The following STAB2 variants were observed in gnomAD, a reference collection of about 807,000 sequenced individuals.
The protein encoded by STAB2 is stabilin 2, also known as stabilin-2.
A neutral mutation model predicts 338.1 loss-of-function variants in STAB2; 288 were observed. That is an observed-to-expected ratio of 0.85 (90% CI 0.77 to 0.94). The LOEUF (loss-of-function observed/expected upper bound fraction) is 0.94, where lower values mean the gene tolerates loss of function less well. Ranked by LOEUF, STAB2 falls within the 40% of genes least tolerant of loss-of-function variation. The probability of loss-of-function intolerance (pLI) is 0.00; values close to 1 mark genes in which losing one functional copy is unlikely to be tolerated. For synonymous variants in STAB2, 1,202 were observed against 1,193.3 expected (o/e 1.01, Z -0.15); for missense variants, 3,141 against 3,210.1 (o/e 0.98, Z 0.52).
intron 50 of STAB2, among the ~76,000 whole-genome samples, chr12:103,732,005 A>G (rs1881672612): frequency 6.6e-6 from 1 of 152,218 alleles, no homozygotes; most frequent in African/African-American, 2.4e-5. Context: ...TGAGGCAGGT[A>G]GAAATTAAAA....
chr12:103,654,748 T>A (rs749052595), intron 13 of STAB2, 50 bp downstream of exon 13: 1 of 1,591,232 alleles, frequency 6.3e-7, no homozygotes, highest in Non-Finnish European at 8.6e-7. Flanking sequence ...CTTCCTTTGT[T>A]CCCTGGAGAG....
In STAB2 at chr12:103,637,218, G is replaced by T; in HGVS notation, c.691G>T (p.Asp231Tyr). The T allele has an allele frequency of 6.2e-7, 1 of 1,611,700 alleles. No individual in the cohort carries two copies. The highest frequency in any genetic ancestry group is 8.5e-7 in the Non-Finnish European group (1 of 1,179,234). The change falls in exon 7 of 69, where the codon GAT becomes TAT. Residue 231 changes from aspartate (D) to tyrosine (Y), a missense_variant. Asp to Tyr is a radical substitution (Grantham distance 160, BLOSUM62 -3). Transcript: ENST00000388887. The stretch of plus-strand genomic sequence containing the variant: ...CAAATGCCTTCCCAATTACCGAGGC[G>T]ATGGCAAATACTGCGACCGTGAGTA... ...ECKCLPNYRG[D>Y]GKYCDPINPC... is the part of the protein sequence containing the mutation.
At chr12:103,640,068 C>A in intron 8 of STAB2, 55 bp from the exon 9 acceptor site, 1 of 1,542,696 alleles carries the variant, frequency 6.5e-7, no homozygotes, top group Non-Finnish European at 8.8e-7. Flanking sequence ...AGAAGAATGC[C>A]AGCTGAAGTA....
At chr12:103,633,904 T>G (rs1957503969) in intron 6 of STAB2, among the ~76,000 whole-genome samples, 1 of 152,192 alleles carries the variant, frequency 6.6e-6, no homozygotes, top group African/African-American at 2.4e-5. Context: ...AGAAATTTAT[T>G]TACTAAATTT....
intron 22 of STAB2, among the ~76,000 whole-genome samples, chr12:103,672,541 A>C (rs576834253): frequency 2.6e-5 from 4 of 152,286 alleles, no homozygotes; most frequent in Admixed American, 2.6e-4. Flanking sequence ...GTGATTTTCC[A>C]GGCCCGCTCA....
At chr12:103,705,097 C>T (rs1219341085) in intron 36 of STAB2, 1 of 156,514 alleles carries the variant, frequency 6.4e-6, no homozygotes, top group African/African-American at 2.4e-5. Context: ...GATTACATTA[C>T]AAAGAATACT....
intron 51 of STAB2, among the ~76,000 whole-genome samples, chr12:103,734,036 G>GCGATCATATGGGAGCAAGCA (rs1278398131): frequency 7.0e-6 from 1 of 143,430 alleles, no homozygotes; most frequent in Non-Finnish European, 1.5e-5. Context: ...AGGAACAAGC[G>GCGATCATATGGGAGCAAGCA]CGATCATATG....
At chr12:103,693,219 T>C (rs1878108313) in intron 31 of STAB2, among the ~76,000 whole-genome samples, 1 of 152,082 alleles carries the variant, frequency 6.6e-6, no homozygotes, top group African/African-American at 2.4e-5. Flanking sequence ...TTTGGGAGTC[T>C]GAGGTAGGAG....
At chr12:103,639,398 C>A (rs776113519) in intron 8 of STAB2, among the ~76,000 whole-genome samples, 12 of 152,140 alleles carry the variant, frequency 7.9e-5, no homozygotes, top group African/African-American at 9.7e-5. Context: ...CTCCTCCCAT[C>A]ATGGCACTCA....
intron 51 of STAB2, among the ~76,000 whole-genome samples, chr12:103,734,512 A>G (rs1877054592): frequency 6.6e-6 from 1 of 152,096 alleles, no homozygotes; most frequent in South Asian, 2.1e-4. Flanking sequence ...AACAAGCATG[A>G]TCATATGGGA....
At chr12:103,636,512 A>T (rs1234302629) in intron 6 of STAB2, among the ~76,000 whole-genome samples, 1 of 151,920 alleles carries the variant, frequency 6.6e-6, no homozygotes, top group East Asian at 1.9e-4. Flanking sequence ...AATGAAACCC[A>T]CTGCATGTAC....
chr12:103,604,528 A>G (rs1453701326), intron 3 of STAB2, among the ~76,000 whole-genome samples: 1 of 152,024 alleles, frequency 6.6e-6, no homozygotes, highest in Non-Finnish European at 1.5e-5. Context: ...CCTTAAATTC[A>G]ATTTCTTGGA....
intron 39 of STAB2, among the ~76,000 whole-genome samples, chr12:103,709,492 G>A (rs1218652713): frequency 3.9e-5 from 6 of 152,196 alleles, no homozygotes; most frequent in Non-Finnish European, 5.9e-5. Flanking sequence ...AATACCCCTG[G>A]AAGCAGGTAT....
chr12:103,762,265 T>C lies in STAB2; in HGVS notation c.7360-9T>C. 4 of 1,613,494 alleles carry C rather than the reference T, an allele frequency of 2.5e-6. No homozygotes were observed. The highest frequency in any genetic ancestry group is 3.4e-6 in the Non-Finnish European group (4 of 1,179,850). ...TAAGAATGGGCCCCTTTCCTTTCTT[T>C]GTGTTCAGACCTTGACCCACACTGG... is the stretch of plus-strand genomic sequence containing the variant. On this transcript the variant is annotated splice_polypyrimidine_tract_variant and intron_variant, in intron 66 of 68. Coordinates refer to ENST00000388887, the MANE Select transcript of STAB2 (RefSeq NM_017564.10).
chr12:103,653,109 C>T (rs1873869140), intron 12 of STAB2, among the ~76,000 whole-genome samples: 1 of 152,070 alleles, frequency 6.6e-6, no homozygotes, highest in Admixed American at 6.5e-5. Flanking sequence ...CCATCTTCTC[C>T]AACCTAACAT....
Position 103,749,155 on chromosome 12 carries a change from C to T in STAB2, c.6437C>T (p.Pro2146Leu), listed in dbSNP as rs138257532. 285 of 1,592,916 alleles carry T rather than the reference C, an allele frequency of 1.8e-4. No homozygotes were observed. Among genetic ancestry groups the T allele is most frequent in the Non-Finnish European group, 2.3e-4 (267 of 1,165,048 alleles). Residue 2146 changes from proline to leucine, a missense_variant and splice_region_variant, in exon 59 of 69, where the codon CCG (proline) becomes CTG (leucine). Physicochemically the swap from Pro to Leu is moderately conservative, Grantham distance 98. Transcript: ENST00000388887. ...HEHATCKMTG[P>L]GKHKCECKSH... ...CACGCCACCTGTAAGATGACAGGCC[C>T]GGTGAGTCGCTCTTTCCCAGGGAAA...
intron 4 of STAB2, among the ~76,000 whole-genome samples, chr12:103,621,027 G>T (rs775171079): frequency 7.2e-5 from 11 of 152,116 alleles, no homozygotes; most frequent in Non-Finnish European, 1.2e-4. Context: ...AACCCAGGAG[G>T]CAGAGGTTGC....
intron 9 of STAB2, among the ~76,000 whole-genome samples, chr12:103,643,040 C>T (rs571217765): frequency 2.0e-5 from 3 of 152,056 alleles, no homozygotes; most frequent in Non-Finnish European, 4.4e-5. Context: ...ATTTATTTCT[C>T]ACAGTTCTGG....
chr12:103,659,201 T>G (rs1162308484), intron 15 of STAB2, among the ~76,000 whole-genome samples: 1 of 152,172 alleles, frequency 6.6e-6, no homozygotes, highest in African/African-American at 2.4e-5. Context: ...TAACTTATCA[T>G]CCATGCCAGG....
Sources: gnomAD v4.1 joint callset for allele counts (sites outside exome capture counted in the v4.1 genomes callset) on GRCh38, gnomAD v4.1.1 for gene constraint, MANE v1.5 for transcripts, NCBI Gene and HGNC (gene_info 2026-07-23, HGNC 2026-07-21) for gene names.